Variants in KALRN observed in about 807,000 individuals in gnomAD.
KALRN encodes the protein kalirin RhoGEF kinase, also known as kalirin.
KALRN carries 70 observed loss-of-function variants against 353.7 expected under a neutral mutation model. The observed-to-expected ratio is 0.20, with a 90% CI of 0.16 to 0.24. The LOEUF (loss-of-function observed/expected upper bound fraction) is 0.24, where lower values mean the gene tolerates loss of function less well. KALRN is among the 10% of genes least tolerant of loss of function. KALRN has a pLI of 1.00. For synonymous variants in KALRN, 1,391 were observed against 1,434.8 expected (o/e 0.97, Z 0.69); for missense variants, 2,791 against 3,756.7 (o/e 0.74, Z 6.72).
chr3:124,594,312 G>A (rs558126688), intron 34 of KALRN, among the ~76,000 whole-genome samples: 2 of 152,268 alleles, frequency 1.3e-5, no homozygotes, highest in East Asian at 3.9e-4. Context: ...TGCAACCTCC[G>A]TTTCCTGGGT....
chr3:124,096,923 T>C (rs947231526), intron 1 of KALRN, among the ~76,000 whole-genome samples: 8 of 152,238 alleles, frequency 5.3e-5, no homozygotes, highest in Admixed American at 2.6e-4. Context: ...TATGTGGTCT[T>C]CCATGCACGT....
At chr3:124,445,402 G>A (rs139914094) in intron 19 of KALRN, among the ~76,000 whole-genome samples, 81 of 152,228 alleles carry the variant, frequency 5.3e-4, no homozygotes, top group South Asian at 2.7e-3. Flanking sequence ...ATCTATCCAC[G>A]TACCCAGCTA....
At chr3:124,269,397 T>G in intron 5 of KALRN, 142 bp downstream of exon 5, 1 of 845,808 alleles carries the variant, frequency 1.2e-6, no homozygotes, top group Non-Finnish European at 1.8e-6. Flanking sequence ...TGTAATTTTT[T>G]TAAGCTCACC....
At chr3:124,464,857 CAAAA>C (rs4048324) in intron 25 of KALRN, among the ~76,000 whole-genome samples, 2 of 87,358 alleles carry the variant, frequency 2.3e-5, no homozygotes, top group South Asian at 4.0e-4. Context: ...GCAATAGAAC[CAAAA>C]AAAAAAAAAA....
intron 21 of KALRN, among the ~76,000 whole-genome samples, chr3:124,447,357 C>T (rs2093874716): frequency 6.6e-6 from 1 of 152,152 alleles, no homozygotes. Flanking sequence ...TTCCATCTGG[C>T]CTCAAACCCG....
chr3:124,637,488 G>A (rs2081489464), intron 37 of KALRN, among the ~76,000 whole-genome samples, 185 bp downstream of exon 37: 1 of 152,112 alleles, frequency 6.6e-6, no homozygotes, highest in South Asian at 2.1e-4. Context: ...ATGGGTATAG[G>A]GAATTAATAC....
chr3:124,339,757 G>A (rs1458543572), intron 9 of KALRN, among the ~76,000 whole-genome samples: 1 of 152,208 alleles, frequency 6.6e-6, no homozygotes, highest in Non-Finnish European at 1.5e-5. Flanking sequence ...CTTTCTAAAT[G>A]TAGGGGGCTG....
rs1026932315 is a variant in KALRN at position 124,390,091 on chromosome 3, G to C, written c.1963-5044G>C. Reference sequence around the variant, plus strand: ...AAGAGGGCAGCCAGCTTTGTTTTCTGGTCTGGAGAGCTAGAGCAAGTTTGG... The same window carrying C: ...AAGAGGGCAGCCAGCTTTGTTTTCTCGTCTGGAGAGCTAGAGCAAGTTTGG... On this transcript the variant is annotated intron_variant, in intron 11 of 59. Coordinates refer to ENST00000682506, the MANE Select transcript of KALRN (RefSeq NM_001388419.1). 2.0e-5 allele frequency among the ~76,000 whole-genome samples: 3 copies of C among 152,122 alleles called. No individual in the cohort carries two copies. The East Asian group carries it at 5.8e-4, about 29-fold the overall frequency.
intron 37 of KALRN, among the ~76,000 whole-genome samples, chr3:124,640,287 T>C (rs544314082): frequency 3.2e-5 from 2 of 61,570 alleles, no homozygotes; most frequent in East Asian, 1.5e-3. Flanking sequence ...TCTTTCTTTC[T>C]TTTTTTTTTT....
At chr3:124,089,901 A>G (rs987684162) in intron 1 of KALRN, among the ~76,000 whole-genome samples, 10 of 152,144 alleles carry the variant, frequency 6.6e-5, no homozygotes, top group Non-Finnish European at 1.2e-4. Flanking sequence ...GCCCTCCTCT[A>G]TGCCTTCCTT....
At chr3:124,036,445 T>G (rs1459642174) in intron 1 of KALRN, among the ~76,000 whole-genome samples, 1 of 151,908 alleles carries the variant, frequency 6.6e-6, no homozygotes, top group African/African-American at 2.4e-5. Flanking sequence ...ATGTACCACA[T>G]TTTCTTTATC....
At position 124,298,929 on chromosome 3, in the gene KALRN, G is replaced by A. The variant is rs1333823372; in HGVS notation, c.1092+16G>A. On this transcript the variant is annotated intron_variant, in intron 6 of 59. Coordinates refer to ENST00000682506, the MANE Select transcript of KALRN (RefSeq NM_001388419.1). Reference sequence around the variant, plus strand: ...GAACTCCATGGTGAGCTGAGGGGCTGTTCTCAGCACTGCCTCTGGGAGTGG... The same window carrying A: ...GAACTCCATGGTGAGCTGAGGGGCTATTCTCAGCACTGCCTCTGGGAGTGG... The A allele has an allele frequency of 1.2e-6, 2 of 1,613,968 alleles. No individual in the cohort carries two copies. Among genetic ancestry groups the A allele is most frequent in the Non-Finnish European group, 1.7e-6 (2 of 1,179,946 alleles).
chr3:124,224,943 T>G (rs1004480692), intron 1 of KALRN, among the ~76,000 whole-genome samples: 3 of 152,200 alleles, frequency 2.0e-5, no homozygotes, highest in Non-Finnish European at 4.4e-5. Flanking sequence ...ATAAGTCATT[T>G]TAGGAAGGGT....
At chr3:124,477,555 C>T (rs2061546620) in intron 27 of KALRN, among the ~76,000 whole-genome samples, 1 of 152,196 alleles carries the variant, frequency 6.6e-6, no homozygotes, top group Non-Finnish European at 1.5e-5. Context: ...GCAAATTTGT[C>T]TCCATGCCTC....
intron 1 of KALRN, among the ~76,000 whole-genome samples, chr3:124,156,382 T>C (rs2068997248): frequency 6.6e-6 from 1 of 152,250 alleles, no homozygotes; most frequent in Non-Finnish European, 1.5e-5. Context: ...GTCCTTGGGA[T>C]ACTTAGTTTA....
chr3:124,555,400 C>A lies in KALRN; in HGVS notation c.4936-7443C>A, dbSNP rs184270448. Reference sequence around the variant, plus strand: ...CTGCACTCCAGCCTGGGTGACAGAGCGAGACTCTGTCCCAAAATAAATAAA... The same window carrying A: ...CTGCACTCCAGCCTGGGTGACAGAGAGAGACTCTGTCCCAAAATAAATAAA... On this transcript the variant is annotated intron_variant, in intron 33 of 59. Transcript: ENST00000682506. Among the ~76,000 whole-genome samples the A allele has an allele frequency of 1.3e-4, 19 of 148,660 alleles. No individual in the cohort carries two copies. In the East Asian group the frequency reaches 3.6e-3, roughly 28 times the overall value.
At chr3:124,420,210 A>G (rs1000539848) in intron 14 of KALRN, among the ~76,000 whole-genome samples, 1 of 152,254 alleles carries the variant, frequency 6.6e-6, no homozygotes, top group Non-Finnish European at 1.5e-5. Context: ...GTCTCAGGAC[A>G]TGCTGGGAGC....
In KALRN at chr3:124,370,569, C is replaced by T. The variant is rs373565096; in HGVS notation, c.1771-14276C>T. Among the ~76,000 whole-genome samples the T allele has an allele frequency of 1.5e-4, 23 of 152,340 alleles. No homozygotes were observed. The East Asian group carries it at 4.4e-3, about 29-fold the overall frequency. ...CTTGACCAGTCTGCTTTTGCTTTGA[C>T]AGGCTCCCACTTCCACCTCTTGGTA... On this transcript the variant is annotated intron_variant, in intron 10 of 59. Transcript: ENST00000682506.
chr3:124,461,150 G>A (rs2059821092), intron 23 of KALRN, among the ~76,000 whole-genome samples: 1 of 151,990 alleles, frequency 6.6e-6, no homozygotes, highest in Non-Finnish European at 1.5e-5. Context: ...TTAAATAATT[G>A]GAAGAATTAT....
Sources: gnomAD v4.1 joint callset for allele counts (sites outside exome capture counted in the v4.1 genomes callset) on GRCh38, gnomAD v4.1.1 for gene constraint, MANE v1.5 for transcripts, NCBI Gene and HGNC (gene_info 2026-07-23, HGNC 2026-07-21) for gene names.